BABAM2: variants seen among roughly 807,000 people sequenced by gnomAD.
BABAM2 encodes the protein BRISC and BRCA1 A complex member 2.
Under a neutral mutation model 54.7 loss-of-function variants are expected in BABAM2, and 31 were observed. The ratio of observed to expected loss-of-function variants is 0.57; its 90% confidence interval spans 0.43 to 0.77. BABAM2 has a LOEUF of 0.77. BABAM2 is among the 30% of genes least tolerant of loss of function. BABAM2 has a pLI of 0.00. For missense variants in BABAM2, 364 were observed against 455.8 expected (o/e 0.80, Z 1.83); for synonymous variants, 167 against 162.9 (o/e 1.03, Z -0.19).
Position 28,225,371 on chromosome 2 carries a change from G to A in BABAM2, c.681-11831G>A, listed in dbSNP as rs141509879. On this transcript the variant is annotated intron_variant, in intron 7 of 11. Transcript: ENST00000379624. ...CGGTTAACACCAGCCAGCCCTGCAG[G>A]CATCAGAATCCAGAGGAGGAAGCAT... 6.7e-3 allele frequency among the ~76,000 whole-genome samples: 1,019 copies of A among 152,332 alleles called. 13 individuals are homozygous for A. Among genetic ancestry groups the A allele is most frequent in the South Asian group, 0.048 (232 of 4,826 alleles).
chr2:28,244,977 G>GTA (rs1458124369), intron 10 of BABAM2, 115 bp downstream of exon 10: 28 of 741,944 alleles, frequency 3.8e-5, no homozygotes, highest in South Asian at 9.1e-5. Context: ...TTACTGTAGC[G>GTA]TATATATATA....
chr2:28,209,573 T>G (rs1679237097), intron 7 of BABAM2, among the ~76,000 whole-genome samples: 1 of 152,220 alleles, frequency 6.6e-6, no homozygotes, highest in Non-Finnish European at 1.5e-5. Context: ...ATCAGTAGAC[T>G]GTGACGTATA....
At chr2:27,926,907 T>A (rs1423862231) in intron 2 of BABAM2, among the ~76,000 whole-genome samples, 6 of 152,194 alleles carry the variant, frequency 3.9e-5, no homozygotes, top group Non-Finnish European at 8.8e-5. Flanking sequence ...AATTAGCATA[T>A]CCTCATCTCA....
At chr2:28,202,998 ATTATGGGGGCACATCC>A (rs1678447554) in intron 7 of BABAM2, among the ~76,000 whole-genome samples, 1 of 152,150 alleles carries the variant, frequency 6.6e-6, no homozygotes, top group Admixed American at 6.5e-5. Context: ...TTGATGAATC[ATTATGGGGGCACATCC>A]TCTCTTGTGT....
chr2:28,029,823 A>C (rs1466880590), intron 5 of BABAM2, among the ~76,000 whole-genome samples: 2 of 152,240 alleles, frequency 1.3e-5, no homozygotes, highest in African/African-American at 2.4e-5. Flanking sequence ...TCAACAGTGC[A>C]TGGTTCAGAC....
chr2:28,004,847 A>C (rs1260548425), intron 4 of BABAM2, among the ~76,000 whole-genome samples: 1 of 152,158 alleles, frequency 6.6e-6, no homozygotes. Context: ...CCTGGCTTAA[A>C]AATACATTTT....
At chr2:28,167,548 G>A (rs1673820566) in intron 7 of BABAM2, among the ~76,000 whole-genome samples, 1 of 151,888 alleles carries the variant, frequency 6.6e-6, no homozygotes, top group East Asian at 1.9e-4. Context: ...ACAAAAATTA[G>A]CCAGACATTG....
chr2:28,114,944 C>G (rs1201310348), intron 6 of BABAM2, among the ~76,000 whole-genome samples: 3 of 152,126 alleles, frequency 2.0e-5, no homozygotes, highest in Admixed American at 6.5e-5. Context: ...AGTTTTGAAA[C>G]AGTAATTTAC....
intron 7 of BABAM2, among the ~76,000 whole-genome samples, chr2:28,177,171 T>A (rs1197953617): frequency 6.6e-6 from 1 of 151,692 alleles, no homozygotes; most frequent in African/African-American, 2.4e-5. Context: ...AAGTGTCTAG[T>A]CACATGTAAG....
chr2:28,026,377 A>G (rs774291984), intron 5 of BABAM2, among the ~76,000 whole-genome samples: 13 of 152,120 alleles, frequency 8.5e-5, no homozygotes, highest in Non-Finnish European at 1.9e-4. Context: ...TGTGGCACAT[A>G]TACACCCTGG....
chr2:27,984,588 G>A (rs1672256657), intron 3 of BABAM2, among the ~76,000 whole-genome samples: 1 of 151,926 alleles, frequency 6.6e-6, no homozygotes, highest in South Asian at 2.1e-4. Flanking sequence ...CTTCCCTACA[G>A]AAGCTCCAGG....
chr2:27,945,316 A>G (rs908699285), intron 3 of BABAM2, among the ~76,000 whole-genome samples: 1 of 152,104 alleles, frequency 6.6e-6, no homozygotes, highest in African/African-American at 2.4e-5. Context: ...GGCATGAGCT[A>G]CCATGCCTGG....
At chr2:28,291,161 A>C (rs1210643674) in intron 10 of BABAM2, among the ~76,000 whole-genome samples, 1 of 152,232 alleles carries the variant, frequency 6.6e-6, no homozygotes, top group African/African-American at 2.4e-5. Flanking sequence ...TATCATCACT[A>C]ATTAATGGTG....
intron 7 of BABAM2, among the ~76,000 whole-genome samples, chr2:28,186,152 C>A (rs1676256519): frequency 6.6e-6 from 1 of 152,166 alleles, no homozygotes; most frequent in African/African-American, 2.4e-5. Flanking sequence ...CTTAGCTTAA[C>A]CACCATATTT....
chr2:27,937,384 C>T (rs1351956649), intron 3 of BABAM2, among the ~76,000 whole-genome samples: 1 of 152,194 alleles, frequency 6.6e-6, no homozygotes, highest in Non-Finnish European at 1.5e-5. Context: ...CCTTGGCCTC[C>T]CAAAGTGCTG....
intron 6 of BABAM2, among the ~76,000 whole-genome samples, chr2:28,105,515 GT>G (rs1020504975): frequency 6.6e-6 from 1 of 152,038 alleles, no homozygotes; most frequent in Non-Finnish European, 1.5e-5. Flanking sequence ...AAAAACTTAA[GT>G]TTTTTTTCTA....
chr2:27,998,038 A>G (rs1673295824), intron 4 of BABAM2, among the ~76,000 whole-genome samples: 1 of 152,278 alleles, frequency 6.6e-6, no homozygotes, highest in South Asian at 2.1e-4. Flanking sequence ...CTGTAATGCC[A>G]GCTACTCAGG....
intron 10 of BABAM2, among the ~76,000 whole-genome samples, chr2:28,282,643 A>C (rs1686459602): frequency 6.6e-6 from 1 of 152,150 alleles, no homozygotes; most frequent in Non-Finnish European, 1.5e-5. Flanking sequence ...ATATGGCAGA[A>C]AGTATCCAGC....
At chr2:27,939,465 A>T (rs1025520475) in intron 3 of BABAM2, among the ~76,000 whole-genome samples, 4 of 152,224 alleles carry the variant, frequency 2.6e-5, no homozygotes, top group African/African-American at 9.7e-5. Context: ...TAAATTAATG[A>T]ATCTTTAGTG....
Sources: allele counts gnomAD v4.1 joint callset (sites outside exome capture counted in the v4.1 genomes callset), GRCh38; gene constraint gnomAD v4.1.1; transcripts MANE v1.5; gene names NCBI Gene and HGNC (gene_info 2026-07-23, HGNC 2026-07-21).